MCTP1: variants seen among roughly 807,000 people sequenced by gnomAD.
MCTP1 encodes multiple C2 and transmembrane domain containing 1.
A neutral mutation model predicts 120.6 loss-of-function variants in MCTP1; 69 were observed. The observed-to-expected ratio is 0.57, with a 90% CI of 0.47 to 0.70. The LOEUF (loss-of-function observed/expected upper bound fraction) is 0.70, where lower values mean the gene tolerates loss of function less well. Among genes scored for constraint, MCTP1 ranks in the 30% least tolerant of loss-of-function variants. The pLI is 0.00. For missense variants in MCTP1, 1,203 were observed against 1,248.8 expected (o/e 0.96, Z 0.55); for synonymous variants, 529 against 493.1 (o/e 1.07, Z -0.96).
intron 1 of MCTP1, among the ~76,000 whole-genome samples, chr5:95,205,949 G>A (rs186047240): frequency 1.3e-5 from 2 of 152,112 alleles, no homozygotes; most frequent in Non-Finnish European, 1.5e-5. Flanking sequence ...ATATAAAATA[G>A]TATATCCACT....
rs561929829 is a variant in MCTP1, at chr5:94,743,327, A to G, written c.2611-28441T>C. Among the ~76,000 whole-genome samples the G allele has an allele frequency of 5.7e-4, 87 of 151,904 alleles. 2 individuals carry two copies. In the South Asian group the frequency reaches 0.01, roughly 18 times the overall value. On this transcript the variant is annotated intron_variant, in intron 19 of 22. Transcript: ENST00000515393. ...TATTTCAATTCAATAAAAAAAAAAA[A>G]AGAGAGTCTATGATATGCCAAGCAC... is the stretch of plus-strand genomic sequence containing the variant.
intron 21 of MCTP1, 156 bp downstream of exon 21, chr5:94,710,654 AATCTTTAT>A (rs1756576063): frequency 3.7e-6 from 2 of 541,376 alleles, no homozygotes; most frequent in Non-Finnish European, 6.5e-6. Context: ...GGTGGACCTA[AATCTTTAT>A]ACTGTTGTGA....
chr5:94,967,574 G>T (rs1825913251), intron 2 of MCTP1, among the ~76,000 whole-genome samples: 1 of 152,178 alleles, frequency 6.6e-6, no homozygotes. Context: ...GAAGTAAAAT[G>T]TCAGCTAACA....
chr5:94,834,812 C>CT lies in MCTP1; in HGVS notation c.2436+33520dup, dbSNP rs141103769. ...ATAATGTGTCATTATAACATTCTCT[C>CT]TTTTTTTTTTTTTTTTTTTTTTGAG... On this transcript the variant is annotated intron_variant, in intron 17 of 22. Transcript: ENST00000515393. 8.7e-3 allele frequency among the ~76,000 whole-genome samples: 773 copies of CT among 88,630 alleles called. 7 individuals are homozygous for CT. The highest frequency in any genetic ancestry group is 0.028 in the African/African-American group (686 of 24,764). 58.1% of individuals were successfully genotyped at this position (88,630 alleles called of 152,430 possible).
At chr5:94,764,239 A>G (rs1182960840) in intron 19 of MCTP1, among the ~76,000 whole-genome samples, 4 of 152,198 alleles carry the variant, frequency 2.6e-5, no homozygotes, top group African/African-American at 9.7e-5. Context: ...ATATATCCAT[A>G]ATGCAGTCTG....
chr5:94,980,809 C>T (rs532954023), intron 2 of MCTP1: 1 of 151,970 alleles, frequency 6.6e-6, no homozygotes, highest in Admixed American at 6.6e-5. Context: ...AAGTTTTTTT[C>T]GTTTTAAAAT....
At chr5:94,936,770 T>G (rs1454320835) in intron 5 of MCTP1, among the ~76,000 whole-genome samples, 1 of 152,066 alleles carries the variant, frequency 6.6e-6, no homozygotes, top group Admixed American at 6.6e-5. Context: ...AATTTATATG[T>G]GTTTTTGGGC....
chr5:95,198,349 G>T (rs1169449830), intron 1 of MCTP1, among the ~76,000 whole-genome samples: 1 of 152,064 alleles, frequency 6.6e-6, no homozygotes, highest in African/African-American at 2.4e-5. Context: ...GTGTAAAAAT[G>T]ATACACATTC....
intron 9 of MCTP1, among the ~76,000 whole-genome samples, 186 bp downstream of exon 9, chr5:94,912,620 G>T (rs1307271640): frequency 1.3e-5 from 2 of 151,870 alleles, no homozygotes; most frequent in African/African-American, 4.8e-5. Flanking sequence ...AGTAGTTTAT[G>T]GGAGGTCACC....
At chr5:94,902,186 A>T (rs1419984088) in intron 10 of MCTP1, among the ~76,000 whole-genome samples, 1 of 152,158 alleles carries the variant, frequency 6.6e-6, no homozygotes, top group Non-Finnish European at 1.5e-5. Context: ...CTGTGGATAG[A>T]AGATAACACT....
chr5:95,030,593 A>C (rs1272901770), intron 1 of MCTP1, among the ~76,000 whole-genome samples: 1 of 152,350 alleles, frequency 6.6e-6, no homozygotes, highest in East Asian at 1.9e-4. Flanking sequence ...GCCCTCTGCA[A>C]GTATCCAGAA....
chr5:95,060,864 C>A (rs1167268395), intron 1 of MCTP1, among the ~76,000 whole-genome samples: 1 of 149,720 alleles, frequency 6.7e-6, no homozygotes, highest in Admixed American at 6.7e-5. Context: ...CCCAGCTACT[C>A]AGGAGGCTGA....
chr5:95,202,613 T>C (rs1356636607), intron 1 of MCTP1, among the ~76,000 whole-genome samples: 1 of 152,256 alleles, frequency 6.6e-6, no homozygotes, highest in East Asian at 1.9e-4. Context: ...CTTGGAGTGA[T>C]GAAATTTCCC....
At position 95,064,106 on chromosome 5, in the gene MCTP1, G is replaced by C. The variant is rs189896266; in HGVS notation, c.721-46622C>G. ...TTCGTGTCTTAAAGTCTAGCTATTG[G>C]AAAATTATAGGCTCCCAAGAACTGT... On this transcript the variant is annotated intron_variant, in intron 1 of 22. Coordinates refer to ENST00000515393, the MANE Select transcript of MCTP1 (RefSeq NM_024717.7). Among the ~76,000 whole-genome samples the C allele has an allele frequency of 1.9e-3, 285 of 152,298 alleles. 1 individual carries two copies. Among genetic ancestry groups the C allele is most frequent in the Middle Eastern group, 0.01 (3 of 294 alleles).
intron 1 of MCTP1, among the ~76,000 whole-genome samples, chr5:95,105,971 T>A (rs966196765): frequency 2.6e-5 from 4 of 152,126 alleles, no homozygotes; most frequent in African/African-American, 9.7e-5. Context: ...CCTAAAAACA[T>A]CAAGTCTACC....
At chr5:94,840,735 C>G (rs578225130) in intron 17 of MCTP1, among the ~76,000 whole-genome samples, 10 of 152,162 alleles carry the variant, frequency 6.6e-5, no homozygotes, top group Admixed American at 6.5e-4. Context: ...TACCATGAGA[C>G]ACAAGTACTC....
chr5:94,973,857 T>G (rs1475780810), intron 2 of MCTP1, among the ~76,000 whole-genome samples: 1 of 152,046 alleles, frequency 6.6e-6, no homozygotes, highest in Non-Finnish European at 1.5e-5. Flanking sequence ...ACCTCCAAGT[T>G]AGAAAGCCTG....
chr5:94,999,535 T>C (rs112533591), intron 2 of MCTP1, among the ~76,000 whole-genome samples: 390 of 152,332 alleles, frequency 2.6e-3, no homozygotes, highest in African/African-American at 9.0e-3. Context: ...CAGTGTCAGA[T>C]ATTATAGACA....
chr5:94,847,468 T>C (rs1792652999), intron 17 of MCTP1, among the ~76,000 whole-genome samples: 1 of 152,032 alleles, frequency 6.6e-6, no homozygotes, highest in Admixed American at 6.6e-5. Flanking sequence ...AAATTTCCGA[T>C]GTTTTACTTA....
Sources: gnomAD v4.1 joint callset for allele counts (sites outside exome capture counted in the v4.1 genomes callset) on GRCh38, gnomAD v4.1.1 for gene constraint, MANE v1.5 for transcripts, NCBI Gene and HGNC (gene_info 2026-07-23, HGNC 2026-07-21) for gene names.